Variants in ARMC2 observed in about 807,000 individuals in gnomAD.
ARMC2 encodes the protein armadillo repeat-containing protein 2.
Under a neutral mutation model 90.3 loss-of-function variants are expected in ARMC2, and 67 were observed. The ratio of observed to expected loss-of-function variants is 0.74; its 90% CI spans 0.61 to 0.91. ARMC2 has a LOEUF of 0.91. Among genes scored for constraint, ARMC2 ranks in the 40% least tolerant of loss-of-function variants. The pLI, the probability that ARMC2 is intolerant of heterozygous loss-of-function variation, is 0.00. For synonymous variants in ARMC2, 393 were observed against 393.0 expected (o/e 1.00, Z 0.00); for missense variants, 920 against 1,030.9 (o/e 0.89, Z 1.47).
chr6:109,022,781 AT>A, the ARMC2 span, among the ~76,000 whole-genome samples: 1 of 152,084 alleles, frequency 6.6e-6, no homozygotes, highest in Non-Finnish European at 1.5e-5. Flanking sequence ...TGCTATCTTC[AT>A]TTTAGAAATG....
chr6:108,948,151 G>A (rs1274575488), intron 12 of ARMC2, among the ~76,000 whole-genome samples: 1 of 152,194 alleles, frequency 6.6e-6, no homozygotes, highest in African/African-American at 2.4e-5. Flanking sequence ...GGCTCGGGCT[G>A]TGGAACAGTA....
chr6:108,878,668 ATTTAAC>A (rs755294234), intron 5 of ARMC2, among the ~76,000 whole-genome samples: 4 of 152,188 alleles, frequency 2.6e-5, no homozygotes, highest in Admixed American at 6.5e-5. Context: ...TTAGAGGACT[ATTTAAC>A]TTTACAAAAG....
chr6:108,925,141 C>A (rs1325596261), intron 10 of ARMC2, among the ~76,000 whole-genome samples: 1 of 152,178 alleles, frequency 6.6e-6, no homozygotes, highest in East Asian at 1.9e-4. Context: ...GAGGAAGCGA[C>A]TGATCGGCCT....
At chr6:108,923,406 T>C (rs898333603) in intron 10 of ARMC2, among the ~76,000 whole-genome samples, 1 of 151,834 alleles carries the variant, frequency 6.6e-6, no homozygotes, top group Non-Finnish European at 1.5e-5. Context: ...TTCTTGAGGG[T>C]GGGAAATAAA....
At chr6:108,978,776 A>G (rs1010644375), downstream of ARMC2, among the ~76,000 whole-genome samples, 3 of 150,184 alleles carry the variant, frequency 2.0e-5, no homozygotes, top group Non-Finnish European at 4.4e-5. Flanking sequence ...TTTGTTCTGT[A>G]TTGGTTTAAA....
chr6:108,953,883 A>C (rs1025518269), intron 13 of ARMC2, among the ~76,000 whole-genome samples: 3 of 152,164 alleles, frequency 2.0e-5, no homozygotes, highest in Admixed American at 2.0e-4. Flanking sequence ...AATACCACAG[A>C]TTGGGCAACT....
the ARMC2 span, among the ~76,000 whole-genome samples, chr6:109,018,239 A>C: frequency 6.6e-6 from 1 of 152,242 alleles, no homozygotes; most frequent in Non-Finnish European, 1.5e-5. Flanking sequence ...AATGTATATC[A>C]ACATTAAATT....
chr6:108,955,344 G>A (rs149503022), intron 13 of ARMC2, among the ~76,000 whole-genome samples: 119 of 152,302 alleles, frequency 7.8e-4, no homozygotes, highest in Non-Finnish European at 1.1e-3. Context: ...GGCAGAGCCC[G>A]GCTGCGGGCA....
the ARMC2 span, chr6:109,002,448 G>A: frequency 1.2e-6 from 1 of 825,972 alleles, no homozygotes; most frequent in South Asian, 1.5e-5. Context: ...AGACAGGCTT[G>A]TTTTGATGGT....
rs551972274 is a variant in ARMC2, at chr6:108,957,258, C to A, written c.1915+3907C>A. ...AAAAGTCACCCCTGACAGGGGGTCA[C>A]CCCCCTCCACCTTCCCCTTACACAG... On this transcript the variant is annotated intron_variant, in intron 13 of 17. Coordinates refer to ENST00000392644, the MANE Select transcript of ARMC2 (RefSeq NM_032131.6). 1.8e-3 allele frequency among the ~76,000 whole-genome samples: 272 copies of A among 152,292 alleles called. 2 individuals are homozygous for A. Among genetic ancestry groups the A allele is most frequent in the African/African-American group, 6.4e-3 (266 of 41,566 alleles).
the ARMC2 span, among the ~76,000 whole-genome samples, chr6:108,981,973 C>A: frequency 1.3e-5 from 2 of 152,076 alleles, no homozygotes; most frequent in Non-Finnish European, 2.9e-5. Context: ...CTGCTGATTT[C>A]TTTCCTTTTT....
the ARMC2 span, among the ~76,000 whole-genome samples, chr6:108,985,490 T>TC: frequency 6.6e-6 from 1 of 152,206 alleles, no homozygotes; most frequent in Non-Finnish European, 1.5e-5. Flanking sequence ...GAGAAAACAC[T>TC]CCAACAGGAA....
the ARMC2 span, among the ~76,000 whole-genome samples, chr6:109,017,129 T>C: frequency 6.6e-6 from 1 of 152,164 alleles, no homozygotes; most frequent in Non-Finnish European, 1.5e-5. Context: ...TAGACAAACA[T>C]GAACTGTTGT....
At chr6:109,050,256 T>C in the ARMC2 span, among the ~76,000 whole-genome samples, 1 of 152,138 alleles carries the variant, frequency 6.6e-6, no homozygotes, top group Non-Finnish European at 1.5e-5. Flanking sequence ...ACTGACCAAT[T>C]GTGCTACCAG....
At chr6:108,997,514 A>G in the ARMC2 span, among the ~76,000 whole-genome samples, 1 of 152,222 alleles carries the variant, frequency 6.6e-6, no homozygotes, top group African/African-American at 2.4e-5. Flanking sequence ...TAATTTCACC[A>G]TATGTAAATG....
chr6:108,913,301 G>A (rs1773624363), intron 10 of ARMC2, among the ~76,000 whole-genome samples: 1 of 152,196 alleles, frequency 6.6e-6, no homozygotes. Context: ...TGAGCACTCA[G>A]AGCACACTAA....
the ARMC2 span, among the ~76,000 whole-genome samples, chr6:108,993,944 C>T: frequency 6.6e-6 from 1 of 151,352 alleles, no homozygotes; most frequent in Non-Finnish European, 1.5e-5. Flanking sequence ...GGAAGAGAAG[C>T]GTGGGCAATA....
chr6:108,860,022 A>C (rs954629974), intron 3 of ARMC2, among the ~76,000 whole-genome samples: 1 of 147,200 alleles, frequency 6.8e-6, no homozygotes, highest in Non-Finnish European at 1.5e-5. Context: ...AAAAAAAAAA[A>C]GATGTAGGAC....
chr6:108,968,672 T>G (rs1778548147), intron 17 of ARMC2, among the ~76,000 whole-genome samples: 3 of 152,082 alleles, frequency 2.0e-5, no homozygotes, highest in African/African-American at 7.3e-5. Flanking sequence ...TTCAATTCTT[T>G]TACAAAGATA....
Sources: gnomAD v4.1 joint callset for allele counts (sites outside exome capture counted in the v4.1 genomes callset) on GRCh38, gnomAD v4.1.1 for gene constraint, MANE v1.5 for transcripts, NCBI Gene and HGNC (gene_info 2026-07-23, HGNC 2026-07-21) for gene names.